GLIS3: variants seen among roughly 807,000 people sequenced by gnomAD.
The protein encoded by GLIS3 is zinc finger protein GLIS3.
In GLIS3, 53 loss-of-function variants were observed where a neutral mutation model predicts 78.6. The ratio of observed to expected loss-of-function variants is 0.67; its 90% confidence interval spans 0.54 to 0.85. The LOEUF is 0.85. Among genes scored for constraint, GLIS3 ranks in the 40% least tolerant of loss-of-function variants. The probability of loss-of-function intolerance (pLI) is 0.00; values close to 1 mark genes in which losing one functional copy is unlikely to be tolerated. For synonymous variants in GLIS3, 684 were observed against 509.9 expected (o/e 1.34, Z -4.60); for missense variants, 1,703 against 1,231.1 (o/e 1.38, Z -5.74).
At chr9:3,877,560 ACAT>A (rs1588137765) in intron 8 of GLIS3, among the ~76,000 whole-genome samples, 1 of 152,094 alleles carries the variant, frequency 6.6e-6, no homozygotes, top group East Asian at 1.9e-4. Context: ...CCTCCACTCA[ACAT>A]TGTTTTTTCC....
rs148572278 is a variant in GLIS3, at chr9:4,118,585, G to T, written c.893C>A (p.Ser298Tyr). 2.6e-3 allele frequency: 4,151 copies of T among 1,614,242 alleles called. 13 individuals are homozygous for T. The highest frequency in any genetic ancestry group is 3.1e-3 in the Non-Finnish European group (3,616 of 1,180,044). Reference sequence around the variant, plus strand: ...GGACAAGGACAGCGCTCTCTTCTTGGAGCGGGCCGAGTGGGACCTGGTGGA... The same window carrying T: ...GGACAAGGACAGCGCTCTCTTCTTGTAGCGGGCCGAGTGGGACCTGGTGGA... ...HSSTRSHSAR[S>Y]KKRALSLSPL... is the part of the protein sequence containing the mutation. The change falls in exon 4 of 11, where the codon TCC becomes TAC. Residue 298 changes from serine (S) to tyrosine (Y), a missense_variant. Ser to Tyr is a moderately radical substitution (Grantham distance 144, BLOSUM62 -2). Transcript: ENST00000381971. The surrounding 1 kb of genome is among the most constrained non-coding windows in gnomAD (Gnocchi z 4.7).
chr9:4,212,578 G>A (rs866843616), intron 2 of GLIS3, among the ~76,000 whole-genome samples: 4 of 152,150 alleles, frequency 2.6e-5, no homozygotes, highest in African/African-American at 4.8e-5. Flanking sequence ...CACAGGTGGC[G>A]CCTCTCACCT....
At chr9:3,978,592 T>A (rs1818973074) in intron 4 of GLIS3, among the ~76,000 whole-genome samples, 1 of 152,018 alleles carries the variant, frequency 6.6e-6, no homozygotes, top group African/African-American at 2.4e-5. Context: ...ATTCAGATAA[T>A]CTCAGATTAT....
chr9:4,378,519 T>C, the GLIS3 span, among the ~76,000 whole-genome samples: 39 of 152,300 alleles, frequency 2.6e-4, no homozygotes, highest in Middle Eastern at 3.4e-3. Context: ...CAAAAATGTA[T>C]TTATCTGAAA....
At chr9:4,398,851 G>A in the GLIS3 span, among the ~76,000 whole-genome samples, 21 of 152,206 alleles carry the variant, frequency 1.4e-4, no homozygotes, top group Middle Eastern at 6.8e-3. Flanking sequence ...AACATGCCTG[G>A]CTAATTTTTG....
chr9:4,035,344 T>C (rs2130309770), intron 4 of GLIS3, among the ~76,000 whole-genome samples: 1 of 152,050 alleles, frequency 6.6e-6, no homozygotes, highest in South Asian at 2.1e-4. Flanking sequence ...CAGTGTATTA[T>C]ACTGTAGCAA....
At chr9:4,430,994 CA>C in the GLIS3 span, among the ~76,000 whole-genome samples, 1 of 152,178 alleles carries the variant, frequency 6.6e-6, no homozygotes, top group Non-Finnish European at 1.5e-5. Flanking sequence ...AAGATCCTGG[CA>C]CACAGAAGAG....
the GLIS3 span, among the ~76,000 whole-genome samples, chr9:4,397,383 G>C: frequency 6.6e-6 from 1 of 151,708 alleles, no homozygotes; most frequent in African/African-American, 2.4e-5. Flanking sequence ...CCTATTGCAA[G>C]TTTGAAGATA....
chr9:4,275,621 G>A (rs567877688), intron 2 of GLIS3, among the ~76,000 whole-genome samples: 4 of 148,534 alleles, frequency 2.7e-5, no homozygotes, highest in Non-Finnish European at 4.5e-5. Context: ...AAAAAAGCCA[G>A]GTGTGGTGAT....
the GLIS3 span, among the ~76,000 whole-genome samples, chr9:4,404,760 A>G: frequency 2.0e-5 from 3 of 152,102 alleles, no homozygotes. Context: ...CTACATCAAA[A>G]AAGAAGAAAA....
chr9:4,361,675 GT>G, the GLIS3 span, among the ~76,000 whole-genome samples: 2 of 152,228 alleles, frequency 1.3e-5, no homozygotes, highest in Non-Finnish European at 2.9e-5. Flanking sequence ...ATAAGCAGTT[GT>G]GATTTGACCT....
At chr9:3,873,741 T>C (rs1222697071) in intron 8 of GLIS3, among the ~76,000 whole-genome samples, 1 of 152,172 alleles carries the variant, frequency 6.6e-6, no homozygotes, top group Admixed American at 6.5e-5. Context: ...AGAAAGATCA[T>C]ACATGTATAA....
upstream of GLIS3, chr9:4,348,460 C>T (rs1298729493): frequency 2.0e-5 from 3 of 152,144 alleles, no homozygotes; most frequent in Admixed American, 1.3e-4. Context: ...ATGAGTCAGC[C>T]CCCTTTAAGA....
intron 4 of GLIS3, among the ~76,000 whole-genome samples, chr9:3,950,526 G>C (rs1336697633): frequency 1.3e-5 from 2 of 152,138 alleles, no homozygotes; most frequent in East Asian, 3.8e-4. Context: ...TCCCACCTCA[G>C]GGCATTTGCA....
At chr9:4,027,794 C>T (rs144388199) in intron 4 of GLIS3, among the ~76,000 whole-genome samples, 27 of 152,352 alleles carry the variant, frequency 1.8e-4, no homozygotes, top group African/African-American at 6.3e-4. Flanking sequence ...GGCATTCAGA[C>T]ACCTGTCTCT....
chr9:4,416,737 T>C, the GLIS3 span, among the ~76,000 whole-genome samples: 1 of 151,288 alleles, frequency 6.6e-6, no homozygotes, highest in East Asian at 1.9e-4. Context: ...GTTGACAGAC[T>C]CGCCTCCACT....
intron 2 of GLIS3, among the ~76,000 whole-genome samples, chr9:4,137,543 A>G (rs1183687748): frequency 6.6e-6 from 1 of 152,066 alleles, no homozygotes; most frequent in Non-Finnish European, 1.5e-5. Flanking sequence ...ATTCCTGTGC[A>G]TGGAGCCTCA....
chr9:4,254,123 T>C (rs1013538362), intron 2 of GLIS3, among the ~76,000 whole-genome samples: 1 of 152,224 alleles, frequency 6.6e-6, no homozygotes, highest in African/African-American at 2.4e-5. Flanking sequence ...AAACTGGTTG[T>C]TCATTTCAAC....
At chr9:4,406,615 A>T in the GLIS3 span, among the ~76,000 whole-genome samples, 163 of 152,336 alleles carry the variant, frequency 1.1e-3, no homozygotes, top group African/African-American at 3.7e-3. Flanking sequence ...ACAGGATACA[A>T]AATCAACAAA....
Sources: allele counts gnomAD v4.1 joint callset (sites outside exome capture counted in the v4.1 genomes callset), GRCh38; gene constraint gnomAD v4.1.1; non-coding constraint Gnocchi (gnomAD v3.1); transcripts MANE v1.5; gene names NCBI Gene and HGNC (gene_info 2026-07-23, HGNC 2026-07-21).